SEMA5A: variants seen among roughly 807,000 people sequenced by gnomAD.
The protein encoded by SEMA5A is semaphorin-5A.
In SEMA5A, 55 loss-of-function variants were observed where a neutral mutation model predicts 135.5. The observed-to-expected ratio is 0.41, with a 90% CI of 0.33 to 0.51. SEMA5A has a LOEUF of 0.51. SEMA5A is among the 20% of genes least tolerant of loss of function. SEMA5A has a pLI of 0.37. For missense variants in SEMA5A, 1,290 were observed against 1,419.9 expected, an observed-to-expected ratio of 0.91 and a Z score of 1.47; for synonymous variants, 580 against 546.5, an observed-to-expected ratio of 1.06 and a Z score of -0.85.
intron 1 of SEMA5A, among the ~76,000 whole-genome samples, chr5:9,455,626 A>G (rs1758806169): frequency 6.6e-6 from 1 of 152,234 alleles, no homozygotes. Flanking sequence ...ATGGGCCAGA[A>G]CAGAGAAGGG....
At chr5:9,465,097 A>G (rs897053565) in intron 1 of SEMA5A, among the ~76,000 whole-genome samples, 1 of 152,186 alleles carries the variant, frequency 6.6e-6, no homozygotes, top group Admixed American at 6.5e-5. Flanking sequence ...TCCCCAACAG[A>G]ATCAATAAGA....
chr5:9,144,056 T>C (rs1246782713), intron 12 of SEMA5A, among the ~76,000 whole-genome samples: 1 of 152,122 alleles, frequency 6.6e-6, no homozygotes, highest in Non-Finnish European at 1.5e-5. Flanking sequence ...CAGCTGTGTC[T>C]ATGTGCTCAG....
intron 2 of SEMA5A, among the ~76,000 whole-genome samples, chr5:9,410,896 C>A (rs1040036910): frequency 6.7e-6 from 1 of 150,038 alleles, no homozygotes; most frequent in African/African-American, 2.4e-5. Flanking sequence ...GACATTCAAG[C>A]CGCCTACATT....
At chr5:9,485,976 G>A (rs1000368419) in intron 1 of SEMA5A, among the ~76,000 whole-genome samples, 21 of 152,018 alleles carry the variant, frequency 1.4e-4, no homozygotes, top group African/African-American at 5.1e-4. Flanking sequence ...TAAAAAATAG[G>A]ATTATTTGTA....
chr5:9,334,205 G>A (rs541336182), intron 4 of SEMA5A, among the ~76,000 whole-genome samples: 36 of 152,110 alleles, frequency 2.4e-4, no homozygotes, highest in Non-Finnish European at 4.7e-4. Flanking sequence ...ACAATGCCTA[G>A]TGCTATGAGA....
At chr5:9,076,466 T>C (rs962513396) in intron 16 of SEMA5A, among the ~76,000 whole-genome samples, 2 of 152,042 alleles carry the variant, frequency 1.3e-5, no homozygotes, top group Admixed American at 6.6e-5. Flanking sequence ...TGCAGCTGGA[T>C]AGAAGGAGTA....
chr5:9,350,134 A>G (rs1252761536), intron 3 of SEMA5A, among the ~76,000 whole-genome samples: 1 of 152,170 alleles, frequency 6.6e-6, no homozygotes, highest in Non-Finnish European at 1.5e-5. Flanking sequence ...TGTTGGATGG[A>G]AAAACAAATT....
intron 1 of SEMA5A, among the ~76,000 whole-genome samples, chr5:9,443,586 G>A (rs1224154088): frequency 6.6e-6 from 1 of 152,192 alleles, no homozygotes; most frequent in Admixed American, 6.5e-5. Context: ...GGTTACTCTA[G>A]TGAAGCAAAT....
chr5:9,126,031 G>A (rs1198872702), intron 13 of SEMA5A, among the ~76,000 whole-genome samples: 2 of 152,162 alleles, frequency 1.3e-5, no homozygotes, highest in Non-Finnish European at 2.9e-5. Context: ...TGTTTTGACT[G>A]TCAAAAGCAT....
At chr5:9,259,324 T>A (rs1419374031) in intron 5 of SEMA5A, among the ~76,000 whole-genome samples, 1 of 152,226 alleles carries the variant, frequency 6.6e-6, no homozygotes, top group Non-Finnish European at 1.5e-5. Context: ...TGGGGGAGAT[T>A]TAAAAATAAA....
intron 5 of SEMA5A, among the ~76,000 whole-genome samples, chr5:9,249,334 ACTT>A (rs1748651914): frequency 6.6e-6 from 1 of 152,196 alleles, no homozygotes; most frequent in Non-Finnish European, 1.5e-5. Flanking sequence ...GAAGCCACTG[ACTT>A]AAATGTGCAC....
intron 1 of SEMA5A, among the ~76,000 whole-genome samples, chr5:9,527,883 C>T (rs953133102): frequency 3.0e-4 from 45 of 152,170 alleles, no homozygotes; most frequent in African/African-American, 1.1e-3. Context: ...TACCTTTATA[C>T]TGCCTCAAAA....
intron 5 of SEMA5A, among the ~76,000 whole-genome samples, chr5:9,316,765 T>C (rs1752412120): frequency 6.6e-6 from 1 of 152,174 alleles, no homozygotes; most frequent in South Asian, 2.1e-4. Context: ...TATGCAGGTA[T>C]CTCACATACT....
chr5:9,353,505 G>A (rs1754308705), intron 3 of SEMA5A, among the ~76,000 whole-genome samples: 1 of 152,146 alleles, frequency 6.6e-6, no homozygotes, highest in Non-Finnish European at 1.5e-5. Flanking sequence ...GAAGAGTAGA[G>A]GGTCTTGCTG....
At chr5:9,272,635 C>T (rs1579761351) in intron 5 of SEMA5A, among the ~76,000 whole-genome samples, 1 of 152,262 alleles carries the variant, frequency 6.6e-6, no homozygotes, top group East Asian at 1.9e-4. Flanking sequence ...CTGGTGGGTG[C>T]CCCTGTGGGA....
At chr5:9,338,439 A>T (rs1238742939) in intron 3 of SEMA5A, among the ~76,000 whole-genome samples, 2 of 152,136 alleles carry the variant, frequency 1.3e-5, no homozygotes, top group Non-Finnish European at 2.9e-5. Flanking sequence ...ACAGGCTTTT[A>T]CAAGCACGGT....
rs139575296 is a variant in SEMA5A at position 9,302,594 on chromosome 5, G to T, written c.270+15778C>A. Among the ~76,000 whole-genome samples the T allele has an allele frequency of 1.6e-3, 241 of 152,240 alleles. 2 individuals are homozygous for T. Among genetic ancestry groups the T allele is most frequent in the African/African-American group, 5.6e-3 (233 of 41,534 alleles). ...GGATAATTCACAGCTGTTTCTCAGT[G>T]CAAATATGCAATGTTCATCAAGGCA... On this transcript the variant is annotated intron_variant, in intron 5 of 22. Transcript: ENST00000382496.
chr5:9,513,682 A>C (rs1435646264), intron 1 of SEMA5A, among the ~76,000 whole-genome samples: 2 of 152,238 alleles, frequency 1.3e-5, no homozygotes, highest in East Asian at 3.9e-4. Context: ...GATTCCATCT[A>C]CTTCTGAAGC....
intron 12 of SEMA5A, among the ~76,000 whole-genome samples, chr5:9,144,658 C>A (rs961494991): frequency 6.6e-6 from 1 of 152,176 alleles, no homozygotes; most frequent in Non-Finnish European, 1.5e-5. Context: ...CCTTGTGTAG[C>A]CTTCATCAGT....
Sources: allele counts gnomAD v4.1 joint callset (sites outside exome capture counted in the v4.1 genomes callset), GRCh38; gene constraint gnomAD v4.1.1; transcripts MANE v1.5; gene names NCBI Gene and HGNC (gene_info 2026-07-23, HGNC 2026-07-21).